LYPLAL1: variants seen among roughly 807,000 people sequenced by gnomAD.
The protein encoded by LYPLAL1 is lysophospholipase like 1.
In LYPLAL1, 23 loss-of-function variants were observed where a neutral mutation model predicts 19.7. The observed-to-expected ratio is 1.17, with a 90% CI of 0.84 to 1.65. The LOEUF (loss-of-function observed/expected upper bound fraction) is 1.65, where lower values mean the gene tolerates loss of function less well. Among genes scored for constraint, LYPLAL1 ranks in the 40% most tolerant of loss-of-function variants. The pLI is 0.00. For synonymous variants in LYPLAL1, 119 were observed against 96.3 expected (o/e 1.24, Z -1.38); for missense variants, 355 against 279.4 (o/e 1.27, Z -1.93).
chr1:219,227,941 T>G, the LYPLAL1 span, among the ~76,000 whole-genome samples: 1 of 152,174 alleles, frequency 6.6e-6, no homozygotes, highest in African/African-American at 2.4e-5. Flanking sequence ...TGAGTAAGCC[T>G]AGAGCCCTCC....
the LYPLAL1 span, among the ~76,000 whole-genome samples, chr1:219,374,078 T>C: frequency 6.6e-6 from 1 of 151,588 alleles, no homozygotes; most frequent in Non-Finnish European, 1.5e-5. Context: ...TTTTTTCTAC[T>C]CAAATATAAC....
At chr1:219,416,807 G>A in the LYPLAL1 span, among the ~76,000 whole-genome samples, 2 of 152,108 alleles carry the variant, frequency 1.3e-5, no homozygotes, top group Admixed American at 6.6e-5. Flanking sequence ...CCCTTTTGTC[G>A]CCATCTGCTG....
chr1:219,404,147 T>C, the LYPLAL1 span, among the ~76,000 whole-genome samples: 1 of 151,934 alleles, frequency 6.6e-6, no homozygotes, highest in Non-Finnish European at 1.5e-5. Context: ...TGTCTCTTTT[T>C]ATGAAGGTGC....
At chr1:219,367,711 G>A in the LYPLAL1 span, among the ~76,000 whole-genome samples, 1 of 152,182 alleles carries the variant, frequency 6.6e-6, no homozygotes, top group Non-Finnish European at 1.5e-5. Flanking sequence ...GACTCTGAGA[G>A]CCTAATGCCA....
the LYPLAL1 span, among the ~76,000 whole-genome samples, chr1:219,414,148 C>T: frequency 2.6e-5 from 4 of 152,146 alleles, no homozygotes; most frequent in African/African-American, 9.7e-5. Flanking sequence ...ACCAGATTTC[C>T]TTAGCCCTTT....
At chr1:219,416,302 G>T in the LYPLAL1 span, among the ~76,000 whole-genome samples, 1 of 152,134 alleles carries the variant, frequency 6.6e-6, no homozygotes, top group Admixed American at 6.5e-5. Flanking sequence ...TGTTTCTGAG[G>T]ACCATGACAG....
the LYPLAL1 span, among the ~76,000 whole-genome samples, chr1:219,368,512 C>T: frequency 3.9e-5 from 6 of 152,092 alleles, no homozygotes; most frequent in East Asian, 1.9e-4. Flanking sequence ...TCACTACTTT[C>T]GTAATCTCAG....
the LYPLAL1 span, among the ~76,000 whole-genome samples, chr1:219,340,090 A>G: frequency 1.3e-5 from 2 of 152,096 alleles, no homozygotes; most frequent in African/African-American, 2.4e-5. Flanking sequence ...AAAAAAATGT[A>G]TGGTATATAA....
chr1:219,193,516 G>A (rs934218070), intron 3 of LYPLAL1: 2 of 215,556 alleles, frequency 9.3e-6, no homozygotes, highest in South Asian at 2.6e-4. Context: ...TTAATTTTCA[G>A]TTAAGAAATT....
chr1:219,230,131 G>T, the LYPLAL1 span, among the ~76,000 whole-genome samples: 1 of 151,468 alleles, frequency 6.6e-6, no homozygotes, highest in African/African-American at 2.4e-5. Flanking sequence ...TCTTTTTTTT[G>T]AAACAGAGTC....
the LYPLAL1 span, among the ~76,000 whole-genome samples, chr1:219,418,956 C>T: frequency 6.6e-6 from 1 of 152,152 alleles, no homozygotes; most frequent in South Asian, 2.1e-4. Context: ...TTTATGTTTT[C>T]CCCATTCTTT....
intron 3 of LYPLAL1, among the ~76,000 whole-genome samples, chr1:219,195,786 C>T (rs762869217): frequency 2.4e-4 from 36 of 152,030 alleles, no homozygotes; most frequent in Non-Finnish European, 4.4e-4. Flanking sequence ...ACCTATTAAC[C>T]TATCACCTAG....
At chr1:219,245,241 G>T in the LYPLAL1 span, among the ~76,000 whole-genome samples, 2 of 137,146 alleles carry the variant, frequency 1.5e-5, no homozygotes, top group African/African-American at 2.8e-5. Context: ...TCCTTCTACA[G>T]TTCAGATCCT....
At chr1:219,440,014 C>CATATATATATAT in the LYPLAL1 span, among the ~76,000 whole-genome samples, 2 of 74,108 alleles carry the variant, frequency 2.7e-5, no homozygotes, top group Admixed American at 1.5e-4. Flanking sequence ...TATATATATA[C>CATATATATATAT]ACACACACAC....
In LYPLAL1 at chr1:219,211,720, C is replaced by A. The variant is rs771985730; in HGVS notation, c.706C>A (p.Gln236Lys). ...AAAGCTGCCAGGAGAAATGGAAAAACAAAAATGAATGAATCAAGAGTGATT... is the reference window on the plus strand; with the variant it reads ...AAAGCTGCCAGGAGAAATGGAAAAAAAAAAATGAATGAATCAAGAGTGATT... ...LTKLPGEMEKQK is the reference protein window; with the variant it reads ...LTKLPGEMEKKK The change falls in exon 5 of 5, where the codon CAA becomes AAA. Residue 236 changes from glutamine to lysine, a missense_variant. By Grantham distance (53) the Gln-to-Lys change is moderately conservative. Transcript: ENST00000366928. 1.0e-5 allele frequency: 16 copies of A among 1,592,122 alleles called. No homozygotes were observed. The African/African-American group carries it at 1.4e-4, about 13-fold the overall frequency.
At chr1:219,359,208 C>T in the LYPLAL1 span, among the ~76,000 whole-genome samples, 1 of 152,138 alleles carries the variant, frequency 6.6e-6, no homozygotes, top group African/African-American at 2.4e-5. Context: ...TGGCTAATTA[C>T]TAATGTTGCT....
chr1:219,178,608 C>A lies in LYPLAL1; in HGVS notation c.92-539C>A, dbSNP rs552908917. On this transcript the variant is annotated intron_variant, in intron 1 of 4. Transcript: ENST00000366928. ...CTTACCAGCTTTGGAGTAGATAATT[C>A]TTCTTTTAGGTCATGTAAACATGTT... Among the ~76,000 whole-genome samples, 397 of 151,822 alleles carry A rather than the reference C, an allele frequency of 2.6e-3. 1 individual carries two copies. Among genetic ancestry groups the A allele is most frequent in the Non-Finnish European group, 4.7e-3 (322 of 67,932 alleles).
chr1:219,302,076 T>C, the LYPLAL1 span, among the ~76,000 whole-genome samples: 1 of 152,180 alleles, frequency 6.6e-6, no homozygotes, highest in East Asian at 1.9e-4. Context: ...CAAGGCAGCA[T>C]TGCCAGCAGT....
the LYPLAL1 span, among the ~76,000 whole-genome samples, chr1:219,322,751 C>T: frequency 6.6e-6 from 1 of 152,136 alleles, no homozygotes; most frequent in African/African-American, 2.4e-5. Context: ...TTTTCTGTCC[C>T]AGTTTTTCAG....
Sources: allele counts gnomAD v4.1 joint callset (sites outside exome capture counted in the v4.1 genomes callset), GRCh38; gene constraint gnomAD v4.1.1; transcripts MANE v1.5; gene names NCBI Gene and HGNC (gene_info 2026-07-23, HGNC 2026-07-21).